The following SGCZ variants were observed in gnomAD, a reference collection of about 807,000 sequenced individuals.
SGCZ encodes the protein zeta-sarcoglycan.
A neutral mutation model predicts 41.3 loss-of-function variants in SGCZ; 40 were observed. That is an observed-to-expected ratio of 0.97 (90% CI 0.75 to 1.26). SGCZ has a LOEUF of 1.26. Among genes scored for constraint, SGCZ ranks in the 50% most tolerant of loss-of-function variants. The pLI, the probability that SGCZ is intolerant of heterozygous loss-of-function variation, is 0.00. For synonymous variants in SGCZ, 206 were observed against 137.5 expected (o/e 1.50, Z -3.49); for missense variants, 552 against 369.8 (o/e 1.49, Z -4.04).
intron 1 of SGCZ, among the ~76,000 whole-genome samples, chr8:14,567,126 C>G (rs934168152): frequency 4.6e-5 from 7 of 152,218 alleles, no homozygotes; most frequent in African/African-American, 1.7e-4. Flanking sequence ...CCTCCCTCTT[C>G]CCCATGGGCT....
At chr8:14,585,971 C>G (rs557661879) in intron 1 of SGCZ, among the ~76,000 whole-genome samples, 1 of 152,098 alleles carries the variant, frequency 6.6e-6, no homozygotes, top group African/African-American at 2.4e-5. Context: ...CACCTGGTGG[C>G]ATTATATCTC....
chr8:14,372,406 C>A (rs560873438), intron 2 of SGCZ, among the ~76,000 whole-genome samples: 2 of 152,192 alleles, frequency 1.3e-5, no homozygotes, highest in East Asian at 3.9e-4. Context: ...GCCAGATAAT[C>A]TTCTATGTTC....
At chr8:14,595,096 CT>C (rs2117295904) in intron 1 of SGCZ, among the ~76,000 whole-genome samples, 1 of 150,016 alleles carries the variant, frequency 6.7e-6, no homozygotes, top group Admixed American at 6.6e-5. Flanking sequence ...TTGTTATCAC[CT>C]CAAAATTGTA....
intron 1 of SGCZ, among the ~76,000 whole-genome samples, chr8:15,180,326 T>G (rs929131364): frequency 2.0e-5 from 3 of 152,200 alleles, no homozygotes; most frequent in Non-Finnish European, 1.5e-5. Flanking sequence ...TAAAAGCCAT[T>G]GTGTAAAGCT....
chr8:14,776,549 C>T (rs1355409374), intron 1 of SGCZ, among the ~76,000 whole-genome samples: 8 of 123,876 alleles, frequency 6.5e-5, no homozygotes, highest in Non-Finnish European at 9.6e-5. Flanking sequence ...GATGGAGTCT[C>T]GGTCTGTCGC....
chr8:14,554,559 A>C (rs1250457261), intron 2 of SGCZ, among the ~76,000 whole-genome samples, 173 bp downstream of exon 2: 1 of 152,048 alleles, frequency 6.6e-6, no homozygotes, highest in Non-Finnish European at 1.5e-5. Context: ...TACGTGTGTC[A>C]GGACTGAACC....
intron 2 of SGCZ, among the ~76,000 whole-genome samples, chr8:14,541,356 T>C (rs1251266166): frequency 1.3e-5 from 2 of 152,018 alleles, no homozygotes; most frequent in African/African-American, 4.8e-5. Flanking sequence ...TGTGTCCATG[T>C]GTTCTCATTG....
intron 7 of SGCZ, among the ~76,000 whole-genome samples, chr8:14,092,548 G>A (rs1035493914): frequency 6.6e-6 from 1 of 151,998 alleles, no homozygotes; most frequent in African/African-American, 2.4e-5. Flanking sequence ...TAATTCCCAT[G>A]TATTGTGGGA....
At chr8:15,055,543 A>G (rs1804673753) in intron 1 of SGCZ, among the ~76,000 whole-genome samples, 1 of 152,216 alleles carries the variant, frequency 6.6e-6, no homozygotes, top group Non-Finnish European at 1.5e-5. Flanking sequence ...TTACTGGTTT[A>G]CATGGAAGCA....
intron 1 of SGCZ, among the ~76,000 whole-genome samples, chr8:14,820,017 CA>C (rs1264329727): frequency 6.6e-6 from 1 of 151,890 alleles, no homozygotes; most frequent in Non-Finnish European, 1.5e-5. Context: ...CCTTATCTGT[CA>C]AAAACCACCT....
chr8:15,083,039 G>A (rs905711822), intron 1 of SGCZ, among the ~76,000 whole-genome samples: 2 of 151,972 alleles, frequency 1.3e-5, no homozygotes, highest in African/African-American at 4.8e-5. Flanking sequence ...GAATGCTCAT[G>A]TATCTATAGC....
At chr8:14,482,826 C>T (rs1384351552) in intron 2 of SGCZ, among the ~76,000 whole-genome samples, 1 of 151,816 alleles carries the variant, frequency 6.6e-6, no homozygotes, top group Non-Finnish European at 1.5e-5. Context: ...TTGGACTAGG[C>T]CTTATACCAT....
chr8:14,244,711 C>A (rs1165434228), intron 3 of SGCZ, among the ~76,000 whole-genome samples: 2 of 151,932 alleles, frequency 1.3e-5, no homozygotes, highest in African/African-American at 4.8e-5. Flanking sequence ...GATATTGATT[C>A]TTCCTACCCA....
intron 4 of SGCZ, among the ~76,000 whole-genome samples, chr8:14,200,565 T>C (rs944081900): frequency 6.6e-6 from 1 of 152,144 alleles, no homozygotes. Context: ...AAATAAATGA[T>C]TTTCTGATCA....
chr8:14,130,326 TTTCTC>T (rs1458350204), intron 5 of SGCZ, among the ~76,000 whole-genome samples: 2 of 150,042 alleles, frequency 1.3e-5, no homozygotes, highest in African/African-American at 2.4e-5. Flanking sequence ...TGTCAGAACT[TTTCTC>T]TTTTATCACT....
chr8:14,569,156 A>T (rs531349238), intron 1 of SGCZ, among the ~76,000 whole-genome samples: 8 of 152,324 alleles, frequency 5.3e-5, no homozygotes, highest in Non-Finnish European at 1.0e-4. Flanking sequence ...CTTCTGAATC[A>T]CATTAAATAT....
chr8:14,467,871 G>C lies in SGCZ; in HGVS notation c.234+86861C>G, dbSNP rs546272345. Among the ~76,000 whole-genome samples the C allele has an allele frequency of 3.9e-5, 6 of 152,140 alleles. No individual in the cohort carries two copies. In the South Asian group the frequency reaches 8.3e-4, roughly 21 times the overall value. Reference sequence around the variant, plus strand: ...TCCTACTGATGCAAAGTCATTCTCTGAGAGTAAACTGCACACATGCTAAAG... The same window carrying C: ...TCCTACTGATGCAAAGTCATTCTCTCAGAGTAAACTGCACACATGCTAAAG... On this transcript the variant is annotated intron_variant, in intron 2 of 7. Coordinates refer to ENST00000382080, the MANE Select transcript of SGCZ (RefSeq NM_139167.4).
chr8:14,168,412 T>A (rs762062045), intron 4 of SGCZ, among the ~76,000 whole-genome samples: 1 of 152,106 alleles, frequency 6.6e-6, no homozygotes, highest in African/African-American at 2.4e-5. Context: ...AATTCCCACA[T>A]ATCATGGGAG....
At chr8:14,296,260 T>C (rs1043477291) in intron 3 of SGCZ, among the ~76,000 whole-genome samples, 6 of 152,134 alleles carry the variant, frequency 3.9e-5, no homozygotes, top group African/African-American at 1.4e-4. Context: ...GTACTCTGAA[T>C]GTATGGAAAA....
Sources: allele counts gnomAD v4.1 joint callset (sites outside exome capture counted in the v4.1 genomes callset), GRCh38; gene constraint gnomAD v4.1.1; transcripts MANE v1.5; gene names NCBI Gene and HGNC (gene_info 2026-07-23, HGNC 2026-07-21).